Variants in BPTF observed in about 807,000 individuals in gnomAD.
The protein encoded by BPTF is bromodomain PHD finger transcription factor.
In BPTF, 18 loss-of-function variants were observed where a neutral mutation model predicts 292.5. The ratio of observed to expected loss-of-function variants is 0.06; its 90% CI spans 0.04 to 0.09. The LOEUF is 0.09. BPTF is among the 10% of genes least tolerant of loss of function. BPTF has a pLI of 1.00. For synonymous variants in BPTF, 1,225 were observed against 1,251.9 expected (o/e 0.98, Z 0.45); for missense variants, 2,726 against 3,498.7 (o/e 0.78, Z 5.57).
At position 67,875,703 on chromosome 17, in the gene BPTF, C is replaced by T. The variant is rs544335813; in HGVS notation, c.1864+683C>T. 9 of 1,603,868 alleles carry T rather than the reference C, an allele frequency of 5.6e-6. No homozygotes were observed. The South Asian group carries it at 1.0e-4, about 18-fold the overall frequency. Reference sequence around the variant, plus strand: ...GAAACCCCCGATAGCAGCAACATGGCAGAGAAGAAGGTGGCATCTGAGCTC... The same window carrying T: ...GAAACCCCCGATAGCAGCAACATGGTAGAGAAGAAGGTGGCATCTGAGCTC... On this transcript the variant is annotated intron_variant, in intron 4 of 27. Transcript: ENST00000306378.
At chr17:67,917,610 G>T (rs968338181) in intron 11 of BPTF, among the ~76,000 whole-genome samples, 4 of 150,770 alleles carry the variant, frequency 2.7e-5, no homozygotes, top group African/African-American at 9.8e-5. Context: ...AGATGTTTTT[G>T]GTTTAATTTA....
chr17:67,903,041 G>T (rs564175813), intron 7 of BPTF, among the ~76,000 whole-genome samples: 1 of 152,308 alleles, frequency 6.6e-6, no homozygotes, highest in Admixed American at 6.5e-5. Context: ...TTCCTTTCCT[G>T]CCTGAGAAGG....
At chr17:67,963,906 T>C (rs2067754721) in intron 24 of BPTF, among the ~76,000 whole-genome samples, 1 of 152,230 alleles carries the variant, frequency 6.6e-6, no homozygotes, top group Non-Finnish European at 1.5e-5. Context: ...AACACCCATA[T>C]GGTACAGTAC....
At chr17:67,929,128 A>G in intron 16 of BPTF, 4 of 1,349,522 alleles carry the variant, frequency 3.0e-6, no homozygotes, top group Admixed American at 6.8e-5. Context: ...GAGGTAAGGG[A>G]AATGTGAAGT....
intron 1 of BPTF, among the ~76,000 whole-genome samples, chr17:67,836,506 C>T (rs1354368630): frequency 6.6e-6 from 1 of 152,128 alleles, no homozygotes; most frequent in African/African-American, 2.4e-5. Flanking sequence ...CTAATTCTTG[C>T]ATAGATACTT....
intron 9 of BPTF, among the ~76,000 whole-genome samples, chr17:67,907,095 G>C (rs1473894196): frequency 6.6e-6 from 1 of 151,572 alleles, no homozygotes; most frequent in East Asian, 2.0e-4. Flanking sequence ...TGATGAGGGA[G>C]GATCGTTTGA....
chr17:67,828,085 G>C (rs1187319138), intron 1 of BPTF, among the ~76,000 whole-genome samples: 1 of 151,478 alleles, frequency 6.6e-6, no homozygotes, highest in South Asian at 2.1e-4. Flanking sequence ...GTGCCCACCA[G>C]CACACCCGGC....
At chr17:67,897,139 G>A (rs990654552) in intron 7 of BPTF, among the ~76,000 whole-genome samples, 10 of 150,476 alleles carry the variant, frequency 6.6e-5, no homozygotes, top group South Asian at 4.2e-4. Context: ...CCAGCCTGAC[G>A]AACATGGAGA....
At chr17:67,948,495 T>G (rs2065977880) in intron 23 of BPTF, among the ~76,000 whole-genome samples, 189 bp downstream of exon 23, 1 of 152,196 alleles carries the variant, frequency 6.6e-6, no homozygotes, top group Non-Finnish European at 1.5e-5. Context: ...TAACTAAATG[T>G]GTAGTTATAT....
chr17:67,882,187 C>T (rs1469187058), intron 4 of BPTF, among the ~76,000 whole-genome samples: 1 of 152,098 alleles, frequency 6.6e-6, no homozygotes, highest in East Asian at 1.9e-4. Flanking sequence ...TTACACAGTA[C>T]CTATCCTGAC....
intron 18 of BPTF, among the ~76,000 whole-genome samples, chr17:67,938,919 G>A (rs2065143284): frequency 6.6e-6 from 1 of 152,162 alleles, no homozygotes; most frequent in South Asian, 2.1e-4. Flanking sequence ...AGTTTTTAAT[G>A]CCAACCTGTG....
Position 67,921,760 on chromosome 17 carries a change from G to A in BPTF, c.5558-1080G>A, listed in dbSNP as rs547755018. Among the ~76,000 whole-genome samples, 336 of 151,690 alleles carry A rather than the reference G, an allele frequency of 2.2e-3. 1 individual carries two copies. Among genetic ancestry groups the A allele is most frequent in the Non-Finnish European group, 3.8e-3 (256 of 67,866 alleles). ...CTTACTTAAAACAGCGGCCAGGTGC[G>A]GTGGCTTCCGCCTGTAATTCCAGCG... On this transcript the variant is annotated intron_variant, in intron 13 of 27. Transcript: ENST00000306378.
chr17:67,888,496 A>G (rs1360526484), intron 4 of BPTF, among the ~76,000 whole-genome samples: 2 of 148,772 alleles, frequency 1.3e-5, no homozygotes, highest in Non-Finnish European at 3.0e-5. Flanking sequence ...AGGCTGAGGC[A>G]GGAGAATTGC....
At chr17:67,957,187 G>T (rs2067036510) in intron 23 of BPTF, 1 of 152,196 alleles carries the variant, frequency 6.6e-6, no homozygotes, top group Non-Finnish European at 1.5e-5. Flanking sequence ...GGAGGCTGAG[G>T]CAGGTGAATC....
chr17:67,916,765 CA>C lies in BPTF; in HGVS notation c.5304-1929del, dbSNP rs768285922. Among the ~76,000 whole-genome samples, 198 of 56,396 alleles carry C rather than the reference CA, an allele frequency of 3.5e-3. 1 individual carries two copies. The highest frequency in any genetic ancestry group is 0.011 in the Middle Eastern group (1 of 94). 37.0% of individuals were successfully genotyped at this position (56,396 alleles called of 152,430 possible). ...TGGGTGACAGAGCAATACTCTGTCT[CA>C]AAAAAAAAAAAAAAAAAAAGAAAGC... On this transcript the variant is annotated intron_variant, in intron 11 of 27. Transcript: ENST00000306378.
chr17:67,917,380 C>T (rs1446722651), intron 11 of BPTF, among the ~76,000 whole-genome samples: 1 of 151,972 alleles, frequency 6.6e-6, no homozygotes, highest in Admixed American at 6.6e-5. Context: ...ACCTTGGCCT[C>T]CCAAAGTGCT....
chr17:67,934,244 G>A (rs1328651736), intron 18 of BPTF, among the ~76,000 whole-genome samples: 1 of 151,938 alleles, frequency 6.6e-6, no homozygotes, highest in Non-Finnish European at 1.5e-5. Flanking sequence ...ATGACCGGGC[G>A]CTGTGGCTCA....
chr17:67,883,976 T>C (rs2060585572), intron 4 of BPTF, among the ~76,000 whole-genome samples: 1 of 152,194 alleles, frequency 6.6e-6, no homozygotes, highest in South Asian at 2.1e-4. Context: ...AAAGTAAGCA[T>C]ATTATAAGTA....
At chr17:67,869,755 G>A (rs570494238) in intron 3 of BPTF, among the ~76,000 whole-genome samples, 6 of 150,630 alleles carry the variant, frequency 4.0e-5, no homozygotes, top group Admixed American at 6.6e-5. Flanking sequence ...AGGCTGAGGC[G>A]GGCGGATCAC....
Sources: allele counts gnomAD v4.1 joint callset (sites outside exome capture counted in the v4.1 genomes callset), GRCh38; gene constraint gnomAD v4.1.1; transcripts MANE v1.5; gene names NCBI Gene and HGNC (gene_info 2026-07-23, HGNC 2026-07-21).